The following SEC61A2 variants were observed in gnomAD, a reference collection of about 807,000 sequenced individuals.
The protein encoded by SEC61A2 is protein transport protein Sec61 subunit alpha isoform 2.
SEC61A2 carries 28 observed loss-of-function variants against 59.9 expected under a neutral mutation model. The ratio of observed to expected loss-of-function variants is 0.47; its 90% CI spans 0.35 to 0.64. The LOEUF (loss-of-function observed/expected upper bound fraction) is 0.64. Ranked by LOEUF, SEC61A2 falls within the 30% of genes least tolerant of loss-of-function variation. The pLI is 0.01. For synonymous variants in SEC61A2, 202 were observed against 214.4 expected (o/e 0.94, Z 0.50); for missense variants, 340 against 585.9 (o/e 0.58, Z 4.33).
rs996712672 is a variant in SEC61A2 at position 12,142,834 on chromosome 10, A to G, written c.142-283A>G. 2.0e-5 allele frequency among the ~76,000 whole-genome samples: 3 copies of G among 151,012 alleles called. No homozygotes were observed. The highest frequency in any genetic ancestry group is 4.4e-5 in the Non-Finnish European group (3 of 67,678). On this transcript the variant is annotated intron_variant, in intron 3 of 11. Transcript: ENST00000298428. This position sits in a 1 kb window ranked among gnomAD's most constrained non-coding sequence, Gnocchi z 5.4. ...TATGTGATGGAATGTTTTTCTTTTTATTTTCTTTTTAATAAACAGCTTTAC... is the reference window on the plus strand; with the variant it reads ...TATGTGATGGAATGTTTTTCTTTTTGTTTTCTTTTTAATAAACAGCTTTAC...
chr10:12,161,128 G>A lies in SEC61A2; in HGVS notation c.1167+7G>A, dbSNP rs769718499. The A allele has an allele frequency of 9.4e-6, 15 of 1,592,728 alleles. No individual in the cohort carries two copies. Among genetic ancestry groups the A allele is most frequent in the Middle Eastern group, 1.7e-4 (1 of 5,972 alleles). On this transcript the variant is annotated splice_region_variant and intron_variant, in intron 10 of 11. Coordinates refer to ENST00000298428, the MANE Select transcript of SEC61A2 (RefSeq NM_018144.4). The surrounding 1 kb of genome is among the most constrained non-coding windows in gnomAD (Gnocchi z 5.4). ...TGGTTCCTCAGCCAAAGATGTAAGTGTTTGGTTTATTTTAAAATAAAACTC... is the reference window on the plus strand; with the variant it reads ...TGGTTCCTCAGCCAAAGATGTAAGTATTTGGTTTATTTTAAAATAAAACTC...
rs77463733 is a variant in SEC61A2 at position 12,161,998 on chromosome 10, A to C, written c.1168-215A>C. The stretch of plus-strand genomic sequence containing the variant: ...CAAAATCTTGTTTGGTAATTGAAGA[A>C]GGGTTGAGAAGCACCGGTTTCATAT... On this transcript the variant is annotated intron_variant, in intron 10 of 11. Coordinates refer to ENST00000298428, the MANE Select transcript of SEC61A2 (RefSeq NM_018144.4). The surrounding 1 kb of genome is among the most constrained non-coding windows in gnomAD (Gnocchi z 5.4). Among the ~76,000 whole-genome samples the C allele has an allele frequency of 1.3e-5, 2 of 152,256 alleles. No individual in the cohort carries two copies. The highest frequency in any genetic ancestry group is 4.8e-5 in the African/African-American group (2 of 41,538).
In SEC61A2 at chr10:12,153,775, A is replaced by G; in HGVS notation, c.463-2003A>G. Reference sequence around the variant, plus strand: ...TTGAAAATATGTGGATACACTGAAGAGCTATGATTGGATCAGTGTGTTTCA... The same window carrying G: ...TTGAAAATATGTGGATACACTGAAGGGCTATGATTGGATCAGTGTGTTTCA... On this transcript the variant is annotated intron_variant, in intron 6 of 11. Transcript: ENST00000298428. This position sits in a 1 kb window ranked among gnomAD's most constrained non-coding sequence, Gnocchi z 5.2. 1 of 1,610,616 alleles carries G rather than the reference A, an allele frequency of 6.2e-7. No individual in the cohort carries two copies. Among genetic ancestry groups the G allele is most frequent in the Non-Finnish European group, 8.5e-7 (1 of 1,179,174 alleles).
downstream of SEC61A2, chr10:12,166,907 T>A (rs1834712657): frequency 3.1e-6 from 1 of 319,426 alleles, no homozygotes; most frequent in Admixed American, 4.3e-5. Flanking sequence ...TACTGGCTGA[T>A]CTTGCTGGTT....
chr10:12,139,965 T>C (rs1833976315), intron 3 of SEC61A2, among the ~76,000 whole-genome samples: 1 of 131,618 alleles, frequency 7.6e-6, no homozygotes. Context: ...CGAGACTCCA[T>C]CTCAAAAAAA....
intron 1 of SEC61A2, among the ~76,000 whole-genome samples, 173 bp from the exon 2 acceptor site, chr10:12,133,068 A>G (rs573184052): frequency 6.6e-6 from 1 of 152,348 alleles, no homozygotes; most frequent in African/African-American, 2.4e-5. Context: ...CTGGAATGAT[A>G]TCTCTTCCTT....
intron 3 of SEC61A2, among the ~76,000 whole-genome samples, chr10:12,139,120 C>T (rs1415246655): frequency 6.6e-6 from 1 of 152,072 alleles, no homozygotes; most frequent in Non-Finnish European, 1.5e-5. Flanking sequence ...TGCTACCATG[C>T]CCAGCCAATT....
intron 1 of SEC61A2, among the ~76,000 whole-genome samples, chr10:12,131,767 T>C (rs1289069359): frequency 1.6e-4 from 22 of 138,886 alleles, no homozygotes; most frequent in Admixed American, 1.6e-3. Context: ...CCGGGCTTAC[T>C]GCAAGCTCCC....
chr10:12,156,922 G>T lies in SEC61A2; in HGVS notation c.632G>T (p.Gly211Val). 1 of 1,613,822 alleles carries T rather than the reference G, an allele frequency of 6.2e-7. No individual in the cohort carries two copies. Among genetic ancestry groups the T allele is most frequent in the Non-Finnish European group, 8.5e-7 (1 of 1,179,846 alleles). ...INTGRGTEFE[G>V]AVIALFHLLA... ...GATTTTACAGGTACTGAGTTTGAGGGTGCAGTCATAGCTCTGTTCCATTTG... is the reference window on the plus strand; with the variant it reads ...GATTTTACAGGTACTGAGTTTGAGGTTGCAGTCATAGCTCTGTTCCATTTG... Residue 211 changes from glycine to valine, a missense_variant, in exon 8 of 12, where the codon GGT becomes GTT. Gly to Val is a moderately radical substitution (Grantham distance 109, BLOSUM62 -3). This residue lies in a region of SEC61A2 where 283 missense variants were observed against 483.2 expected (regional missense o/e 0.59). Transcript: ENST00000298428. The surrounding 1 kb of genome is among the most constrained non-coding windows in gnomAD (Gnocchi z 5.2).
In SEC61A2 at chr10:12,164,525, C is replaced by T; in HGVS notation, c.*71C>T. ...GACGGATCGTTTTTGTCAGATGACACTGGTGGCTCCCCTTTTCTCCCCTCA... is the reference window on the plus strand; with the variant it reads ...GACGGATCGTTTTTGTCAGATGACATTGGTGGCTCCCCTTTTCTCCCCTCA... On this transcript the variant is annotated 3_prime_UTR_variant, in exon 12 of 12. Coordinates refer to ENST00000298428, the MANE Select transcript of SEC61A2 (RefSeq NM_018144.4). This position sits in a 1 kb window ranked among gnomAD's most constrained non-coding sequence, Gnocchi z 7.3. The T allele has an allele frequency of 3.9e-6, 6 of 1,543,254 alleles. No individual in the cohort carries two copies. The highest frequency in any genetic ancestry group is 2.3e-5 in the East Asian group (1 of 43,896).
intron 1 of SEC61A2, among the ~76,000 whole-genome samples, chr10:12,132,957 A>G (rs1303956037): frequency 1.3e-5 from 2 of 152,192 alleles, no homozygotes; most frequent in Non-Finnish European, 2.9e-5. Flanking sequence ...TATATGTAAA[A>G]TGATTGGATA....
Position 12,162,207 on chromosome 10 carries a change from C to G in SEC61A2, c.1168-6C>G. 1 of 1,612,698 alleles carries G rather than the reference C, an allele frequency of 6.2e-7. No homozygotes were observed. The highest frequency in any genetic ancestry group is 8.5e-7 in the Non-Finnish European group (1 of 1,179,140). ...TGGATTTTGAAAGTCGTTTTTCTCT[C>G]GGCAGGTAGCTAAACAGCTGAAAGA... On this transcript the variant is annotated splice_region_variant and splice_polypyrimidine_tract_variant and intron_variant, in intron 10 of 11. Coordinates refer to ENST00000298428, the MANE Select transcript of SEC61A2 (RefSeq NM_018144.4). This position sits in a 1 kb window ranked among gnomAD's most constrained non-coding sequence, Gnocchi z 6.1.
In SEC61A2 at chr10:12,162,402, C is replaced by T. The variant is rs1191614713; in HGVS notation, c.1244+113C>T. 1 of 933,668 alleles carries T rather than the reference C, an allele frequency of 1.1e-6. No homozygotes were observed. The highest frequency in any genetic ancestry group is 1.8e-6 in the Non-Finnish European group (1 of 561,356). The allele number at this position is 933,668 out of a possible 1,614,324, so 57.8% of individuals were successfully genotyped here. A position where few individuals can be genotyped will look rare whatever the true frequency, so the allele number is the denominator to read the frequency against. ...CATATTTAAAACCCTTCTATTCACA[C>T]AGATGAATCAAAATTTCACACAAAA... On this transcript the variant is annotated intron_variant, in intron 11 of 11. Coordinates refer to ENST00000298428, the MANE Select transcript of SEC61A2 (RefSeq NM_018144.4). This position sits in a 1 kb window ranked among gnomAD's most constrained non-coding sequence, Gnocchi z 6.1.
At position 12,165,249 on chromosome 10, in the gene SEC61A2, T is replaced by C. The variant is rs766304463; in HGVS notation, c.*795T>C. ...AGATCTAATTCTCAAGCAATGTCTG[T>C]AGTTCAGTGGGGGTGAACAATGAAT... On this transcript the variant is annotated 3_prime_UTR_variant, in exon 12 of 12. Coordinates refer to ENST00000298428, the MANE Select transcript of SEC61A2 (RefSeq NM_018144.4). The C allele has an allele frequency of 2.0e-6, 2 of 985,430 alleles. No individual in the cohort carries two copies. The highest frequency in any genetic ancestry group is 2.4e-6 in the Non-Finnish European group (2 of 829,928). 61.0% of individuals were successfully genotyped at this position (985,430 alleles called of 1,614,324 possible).
At chr10:12,133,134 G>T in intron 1 of SEC61A2, 107 bp from the exon 2 acceptor site, 1 of 592,622 alleles carries the variant, frequency 1.7e-6, no homozygotes. Flanking sequence ...GCTTAAGGGT[G>T]GGGTGAATTG....
chr10:12,169,431 C>A (rs895591381), downstream of SEC61A2: 17 of 787,736 alleles, frequency 2.2e-5, no homozygotes, highest in Non-Finnish European at 3.2e-5. This position sits in a 1 kb window ranked among gnomAD's most constrained non-coding sequence, Gnocchi z 4.8. Flanking sequence ...TGAAAAAAGC[C>A]GAGAGAGGCT....
Position 12,142,962 on chromosome 10 carries a change from C to CTT in SEC61A2, c.142-145_142-144dup, listed in dbSNP as rs397814780. Among the ~76,000 whole-genome samples the CTT allele has an allele frequency of 1.3e-4, 20 of 149,060 alleles. No homozygotes were observed. Among genetic ancestry groups the CTT allele is most frequent in the Non-Finnish European group, 1.3e-4 (9 of 67,192 alleles). ...TTGTAAATTAAGTGCACACTTTATA[C>CTT]TTTTTTTTTTTGAGACAGAGTCTCC... On this transcript the variant is annotated intron_variant, in intron 3 of 11. Coordinates refer to ENST00000298428, the MANE Select transcript of SEC61A2 (RefSeq NM_018144.4). This position sits in a 1 kb window ranked among gnomAD's most constrained non-coding sequence, Gnocchi z 5.4.
chr10:12,150,593 C>A (rs988376354), intron 6 of SEC61A2, among the ~76,000 whole-genome samples: 1 of 152,078 alleles, frequency 6.6e-6, no homozygotes, highest in Non-Finnish European at 1.5e-5. Context: ...GGTATTGTGC[C>A]ATAAGTTAAT....
chr10:12,167,906 GT>G, downstream of SEC61A2: 3 of 1,550,218 alleles, frequency 1.9e-6, no homozygotes, highest in Non-Finnish European at 2.6e-6. Flanking sequence ...ACTACTATAT[GT>G]CACTTCCTAT....
Sources: allele counts gnomAD v4.1 joint callset (sites outside exome capture counted in the v4.1 genomes callset), GRCh38; gene constraint gnomAD v4.1.1; regional missense constraint gnomAD v4.1.1; non-coding constraint Gnocchi (gnomAD v3.1); transcripts MANE v1.5; gene names NCBI Gene and HGNC (gene_info 2026-07-23, HGNC 2026-07-21).